GRID1: variants seen among roughly 807,000 people sequenced by gnomAD.
The protein encoded by GRID1 is glutamate receptor ionotropic, delta-1.
In GRID1, 28 loss-of-function variants were observed where a neutral mutation model predicts 98.0. The observed-to-expected ratio is 0.29, with a 90% CI of 0.21 to 0.39. GRID1 has a LOEUF of 0.39. Ranked by LOEUF, GRID1 falls within the 10% of genes least tolerant of loss-of-function variation. GRID1 has a pLI of 1.00. For missense variants in GRID1, 1,111 were observed against 1,340.5 expected, an observed-to-expected ratio of 0.83 and a Z score of 2.67; for synonymous variants, 553 against 538.5, an observed-to-expected ratio of 1.03 and a Z score of -0.37.
chr10:85,710,895 A>T (rs1232396642), intron 12 of GRID1, among the ~76,000 whole-genome samples: 1 of 152,074 alleles, frequency 6.6e-6, no homozygotes, highest in East Asian at 1.9e-4. Flanking sequence ...TGCAAACCAT[A>T]ACCACAATGA....
chr10:85,943,102 C>T (rs887914290), intron 4 of GRID1, among the ~76,000 whole-genome samples: 10 of 152,102 alleles, frequency 6.6e-5, no homozygotes, highest in Non-Finnish European at 1.5e-4. Flanking sequence ...AATGAACATT[C>T]TTGTGCATAT....
chr10:85,874,586 T>C (rs1469011622), intron 5 of GRID1, among the ~76,000 whole-genome samples: 8 of 152,232 alleles, frequency 5.3e-5, no homozygotes. Flanking sequence ...TTTTTTATTC[T>C]AGATACAAAG....
intron 8 of GRID1, among the ~76,000 whole-genome samples, chr10:85,853,729 G>A (rs1843081941): frequency 6.6e-6 from 1 of 152,174 alleles, no homozygotes; most frequent in Admixed American, 6.5e-5. Context: ...CCTTCACTTG[G>A]ATAATTGTTC....
intron 2 of GRID1, among the ~76,000 whole-genome samples, chr10:86,236,038 C>A (rs772717254): frequency 5.9e-5 from 9 of 152,194 alleles, no homozygotes; most frequent in Admixed American, 2.0e-4. Flanking sequence ...TCCAGTTGCT[C>A]CACATTCTCA....
intron 5 of GRID1, among the ~76,000 whole-genome samples, chr10:85,894,093 C>T (rs1324395743): frequency 1.3e-5 from 2 of 152,154 alleles, no homozygotes; most frequent in African/African-American, 4.8e-5. Context: ...GATAGTGTGG[C>T]ACTGCTGGGA....
At chr10:86,273,906 C>A (rs1423151534) in intron 2 of GRID1, among the ~76,000 whole-genome samples, 4 of 151,724 alleles carry the variant, frequency 2.6e-5, no homozygotes, top group Non-Finnish European at 4.4e-5. Context: ...TGCAGAAGCT[C>A]TTTAGTTTAA....
chr10:86,028,960 C>G (rs1843151013), intron 4 of GRID1, among the ~76,000 whole-genome samples: 1 of 152,194 alleles, frequency 6.6e-6, no homozygotes, highest in East Asian at 1.9e-4. Flanking sequence ...TTACAGCAAC[C>G]CTTCTGATGC....
chr10:85,613,367 T>C, intron 15 of GRID1, 40 bp downstream of exon 15: 1 of 1,588,142 alleles, frequency 6.3e-7, no homozygotes, highest in Non-Finnish European at 8.6e-7. Flanking sequence ...CACTCCTGCC[T>C]CTAGGCTGTG....
intron 3 of GRID1, among the ~76,000 whole-genome samples, chr10:86,160,103 T>A (rs907868932): frequency 2.6e-5 from 4 of 152,108 alleles, no homozygotes; most frequent in Non-Finnish European, 5.9e-5. Flanking sequence ...GTCCATGCCA[T>A]ACCTCCAGAA....
At chr10:86,225,293 A>G (rs1465656008) in intron 2 of GRID1, among the ~76,000 whole-genome samples, 2 of 152,200 alleles carry the variant, frequency 1.3e-5, no homozygotes, top group African/African-American at 4.8e-5. Flanking sequence ...TTCTCCAGCC[A>G]TGACACCAGC....
At chr10:85,865,938 T>TAC (rs1843213694) in intron 6 of GRID1, among the ~76,000 whole-genome samples, 9 of 102,956 alleles carry the variant, frequency 8.7e-5, no homozygotes, top group South Asian at 3.7e-4. Flanking sequence ...TATATATATA[T>TAC]ATATACACAT....
chr10:85,814,638 G>A (rs997622293), intron 8 of GRID1, among the ~76,000 whole-genome samples: 3 of 151,584 alleles, frequency 2.0e-5, no homozygotes, highest in Admixed American at 1.3e-4. Flanking sequence ...TGATATTAAC[G>A]GAATACCATT....
At chr10:86,023,332 T>A (rs1843075085) in intron 4 of GRID1, among the ~76,000 whole-genome samples, 2 of 152,220 alleles carry the variant, frequency 1.3e-5, no homozygotes, top group Admixed American at 6.5e-5. Flanking sequence ...GCGGGCTCAC[T>A]GTGTCCTGTG....
chr10:86,070,889 A>C (rs1843794342), intron 4 of GRID1, among the ~76,000 whole-genome samples: 2 of 152,198 alleles, frequency 1.3e-5, no homozygotes, highest in South Asian at 4.1e-4. Context: ...GCATCTGGGA[A>C]GAGAACCACT....
At chr10:85,668,793 A>G (rs2132580448) in intron 12 of GRID1, among the ~76,000 whole-genome samples, 1 of 152,346 alleles carries the variant, frequency 6.6e-6, no homozygotes, top group Admixed American at 6.5e-5. Context: ...CACTGCTTCT[A>G]AAGGCAGGTC....
At chr10:85,727,558 C>A (rs774158402) in intron 10 of GRID1, among the ~76,000 whole-genome samples, 6 of 152,080 alleles carry the variant, frequency 3.9e-5, no homozygotes, top group Non-Finnish European at 5.9e-5. Flanking sequence ...TCACCCTAAA[C>A]GTAGGGTAGG....
intron 4 of GRID1, among the ~76,000 whole-genome samples, chr10:86,076,477 C>T (rs901061274): frequency 6.6e-6 from 1 of 152,170 alleles, no homozygotes; most frequent in Non-Finnish European, 1.5e-5. Context: ...TCCAGAGAAA[C>T]AGAACCAGTA....
At chr10:85,905,916 TC>T (rs1200779459) in intron 5 of GRID1, among the ~76,000 whole-genome samples, 2 of 152,080 alleles carry the variant, frequency 1.3e-5, no homozygotes, top group Non-Finnish European at 2.9e-5. Context: ...ATGATTACAT[TC>T]AGTATAAATT....
At chr10:85,700,062 T>C (rs1213828190) in intron 12 of GRID1, among the ~76,000 whole-genome samples, 1 of 152,202 alleles carries the variant, frequency 6.6e-6, no homozygotes, top group Non-Finnish European at 1.5e-5. Flanking sequence ...CACCCAGGCA[T>C]GCTGGCGTTC....
Sources: gnomAD v4.1 joint callset for allele counts (sites outside exome capture counted in the v4.1 genomes callset) on GRCh38, gnomAD v4.1.1 for gene constraint, MANE v1.5 for transcripts, NCBI Gene and HGNC (gene_info 2026-07-23, HGNC 2026-07-21) for gene names.